Variants in SLC39A11 observed in about 807,000 individuals in gnomAD.
The protein encoded by SLC39A11 is solute carrier family 39 member 11, also known as zinc transporter ZIP11.
In SLC39A11, 33 loss-of-function variants were observed where a neutral mutation model predicts 36.1. The observed-to-expected ratio is 0.91, with a 90% CI of 0.69 to 1.22. The LOEUF (loss-of-function observed/expected upper bound fraction) is 1.22, where lower values mean the gene tolerates loss of function less well. Among genes scored for constraint, SLC39A11 ranks in the 50% most tolerant of loss-of-function variants. SLC39A11 has a pLI of 0.00. For missense variants in SLC39A11, 432 were observed against 430.3 expected, an observed-to-expected ratio of 1.00 and a Z score of -0.03; for synonymous variants, 166 against 170.3, an observed-to-expected ratio of 0.97 and a Z score of 0.20.
rs146652349 is a variant in SLC39A11, at chr17:73,038,825, G to C, written c.148-7111C>G. 6.6e-3 allele frequency among the ~76,000 whole-genome samples: 1,000 copies of C among 150,592 alleles called. 13 individuals are homozygous for C. The highest frequency in any genetic ancestry group is 0.023 in the African/African-American group (956 of 41,032). On this transcript the variant is annotated intron_variant, in intron 3 of 9. Coordinates refer to ENST00000255559, the MANE Select transcript of SLC39A11 (RefSeq NM_139177.4). ...AGGGGAGGGGACGAGTTGAGGTTGA[G>C]ACTACTGGCCTACCCAACCGTTAGG...
chr17:72,697,248 A>C (rs2072348134), intron 7 of SLC39A11, among the ~76,000 whole-genome samples: 1 of 152,048 alleles, frequency 6.6e-6, no homozygotes, highest in African/African-American at 2.4e-5. Flanking sequence ...ACTTCTGGCT[A>C]ATTTTTGTAT....
intron 6 of SLC39A11, among the ~76,000 whole-genome samples, chr17:72,776,950 T>C (rs2144797315): frequency 6.6e-6 from 1 of 152,310 alleles, no homozygotes; most frequent in African/African-American, 2.4e-5. Flanking sequence ...CATGGCTAAA[T>C]GACCTCTCTC....
At chr17:73,068,315 T>C (rs1168677494) in intron 3 of SLC39A11, 1 of 594,012 alleles carries the variant, frequency 1.7e-6, no homozygotes, top group Non-Finnish European at 3.0e-6. Flanking sequence ...TCCGGGGTCT[T>C]TCTTGTTTTA....
At chr17:73,052,439 C>G (rs1246298868) in intron 3 of SLC39A11, among the ~76,000 whole-genome samples, 1 of 151,948 alleles carries the variant, frequency 6.6e-6, no homozygotes, top group Non-Finnish European at 1.5e-5. Context: ...AAGCAGCAAA[C>G]AGATGATAAA....
chr17:72,904,005 G>T (rs993595186), intron 5 of SLC39A11, among the ~76,000 whole-genome samples: 10 of 152,190 alleles, frequency 6.6e-5, no homozygotes, highest in African/African-American at 2.4e-4. Context: ...CACTCCACAT[G>T]GGCCAGGCAC....
At chr17:72,729,457 A>ATTTTTTTTTTTTT (rs55729197) in intron 7 of SLC39A11, among the ~76,000 whole-genome samples, 5 of 7,220 alleles carry the variant, frequency 6.9e-4, no homozygotes, top group Non-Finnish European at 1.6e-3. Flanking sequence ...ATATATATAT[A>ATTTTTTTTTTTTT]TTTTTTTTTT....
At position 72,936,520 on chromosome 17, in the gene SLC39A11, G is replaced by A. The variant is rs186075757; in HGVS notation, c.430+11232C>T. Among the ~76,000 whole-genome samples, 278 of 151,764 alleles carry A rather than the reference G, an allele frequency of 1.8e-3. 1 individual carries two copies. The highest frequency in any genetic ancestry group is 2.3e-3 in the Non-Finnish European group (158 of 67,938). ...GAAATTTGGAAGGCAAGTCTTGGCC[G>A]GGCCTCACTTTCTTTATCCAAGGTG... On this transcript the variant is annotated intron_variant, in intron 5 of 9. Coordinates refer to ENST00000255559, the MANE Select transcript of SLC39A11 (RefSeq NM_139177.4).
intron 6 of SLC39A11, among the ~76,000 whole-genome samples, chr17:72,819,686 T>C (rs1014765229): frequency 1.3e-5 from 2 of 151,218 alleles, no homozygotes; most frequent in African/African-American, 2.4e-5. Context: ...AATTCAACAG[T>C]ACACTGAATG....
chr17:73,090,395 T>C (rs144695846), intron 1 of SLC39A11, among the ~76,000 whole-genome samples: 4 of 151,686 alleles, frequency 2.6e-5, no homozygotes, highest in Non-Finnish European at 4.4e-5. Flanking sequence ...CCACGCCAAT[T>C]AAAGAAAAAA....
At chr17:72,809,558 C>G (rs1203137018) in intron 6 of SLC39A11, among the ~76,000 whole-genome samples, 2 of 152,160 alleles carry the variant, frequency 1.3e-5, no homozygotes, top group Non-Finnish European at 2.9e-5. Context: ...TCCATTTCTG[C>G]ATCCATGGTT....
At chr17:72,721,309 C>G (rs1243440712) in intron 7 of SLC39A11, among the ~76,000 whole-genome samples, 1 of 152,044 alleles carries the variant, frequency 6.6e-6, no homozygotes, top group East Asian at 1.9e-4. Context: ...GTTGGCCAGT[C>G]TGGTCTCGAT....
rs190195268 is a variant in SLC39A11, at chr17:73,091,543, G to A, written c.-12+1068C>T. ...CTCCTGCCCCATGTGGGATTGGCAA[G>A]AGCAAAGAAGAGTCCCAAAAGAACA... On this transcript the variant is annotated intron_variant, in intron 1 of 9. Transcript: ENST00000255559. Among the ~76,000 whole-genome samples, 6 of 152,318 alleles carry A rather than the reference G, an allele frequency of 3.9e-5. No individual in the cohort carries two copies. In the East Asian group the frequency reaches 1.2e-3, roughly 29 times the overall value.
chr17:72,869,255 A>C (rs528292666), intron 5 of SLC39A11, among the ~76,000 whole-genome samples: 1 of 152,248 alleles, frequency 6.6e-6, no homozygotes, highest in Non-Finnish European at 1.5e-5. Flanking sequence ...GCTTTTGACA[A>C]GGTGTCCATC....
intron 4 of SLC39A11, among the ~76,000 whole-genome samples, chr17:72,994,941 T>C (rs1159744651): frequency 6.6e-6 from 1 of 152,198 alleles, no homozygotes; most frequent in Non-Finnish European, 1.5e-5. Context: ...TCCACCTGGA[T>C]ACAGAGGTGA....
rs144749260 is a variant in SLC39A11 at position 72,769,672 on chromosome 17, T to C, written c.602-32953A>G. On this transcript the variant is annotated intron_variant, in intron 6 of 9. Coordinates refer to ENST00000255559, the MANE Select transcript of SLC39A11 (RefSeq NM_139177.4). ...TGATTCTCCTGTCTCAGCCTCCCGA[T>C]TAGCTGCGACTACAGGTGCGTGCCA... Among the ~76,000 whole-genome samples the C allele has an allele frequency of 3.8e-3, 579 of 152,074 alleles. 3 individuals are homozygous for C. Among genetic ancestry groups the C allele is most frequent in the South Asian group, 5.6e-3 (27 of 4,804 alleles).
At chr17:72,882,960 C>T (rs556454034) in intron 5 of SLC39A11, among the ~76,000 whole-genome samples, 12 of 152,030 alleles carry the variant, frequency 7.9e-5, no homozygotes, top group Admixed American at 1.3e-4. Context: ...TGACACCTGG[C>T]TAATTTTTGT....
chr17:72,729,497 C>A, intron 7 of SLC39A11, among the ~76,000 whole-genome samples: 1 of 97,212 alleles, frequency 1.0e-5, no homozygotes, highest in Non-Finnish European at 2.1e-5. Context: ...AGGGTTTCAT[C>A]ATGTTGCCCA....
Position 73,031,604 on chromosome 17 carries a change from G to A in SLC39A11, c.258C>T (p.Thr86=), listed in dbSNP as rs1423223836. The change falls in exon 4 of 10, where the codon ACC becomes ACT. Residue 86 remains threonine (T), a synonymous_variant. Coordinates refer to ENST00000255559, the MANE Select transcript of SLC39A11 (RefSeq NM_139177.4). ...CCAAGTAGACAAAAGCCGCTCCAAG[G>A]GTGAAGCCAACAGCCACAGGGAAGA... The part of the protein sequence containing the change: ...FAFFPVAVGF[T]LGAAFVYLAD... 2 of 1,614,096 alleles carry A rather than the reference G, an allele frequency of 1.2e-6. No homozygotes were observed. Among genetic ancestry groups the A allele is most frequent in the South Asian group, 2.2e-5 (2 of 91,084 alleles).
At chr17:72,648,485 C>T (rs1394237922) in intron 9 of SLC39A11, among the ~76,000 whole-genome samples, 1 of 152,106 alleles carries the variant, frequency 6.6e-6, no homozygotes, top group African/African-American at 2.4e-5. Context: ...CTCACCTCTC[C>T]CTTCATTCCA....
Sources: gnomAD v4.1 joint callset for allele counts (sites outside exome capture counted in the v4.1 genomes callset) on GRCh38, gnomAD v4.1.1 for gene constraint, MANE v1.5 for transcripts, NCBI Gene and HGNC (gene_info 2026-07-23, HGNC 2026-07-21) for gene names.